Variants in CLDN14 observed in about 807,000 individuals in gnomAD.
CLDN14 encodes claudin-14.
A neutral mutation model predicts 2.1 loss-of-function variants in CLDN14; 2 were observed. The ratio of observed to expected loss-of-function variants is 0.96; its 90% CI spans 0.39 to 3.01. The LOEUF (loss-of-function observed/expected upper bound fraction) is 3.01, where lower values mean the gene tolerates loss of function less well. CLDN14 is among the 30% of genes most tolerant of loss of function. The pLI is 0.09. For synonymous variants in CLDN14, 136 were observed against 154.4 expected (o/e 0.88, Z 0.88); for missense variants, 298 against 328.0 (o/e 0.91, Z 0.71).
intron 1 of CLDN14, among the ~76,000 whole-genome samples, chr21:36,462,008 C>T (rs1315032042): frequency 2.0e-5 from 3 of 152,140 alleles, no homozygotes; most frequent in Non-Finnish European, 2.9e-5. Context: ...GGAAGGGTTC[C>T]AGCCACCTGC....
In CLDN14 at chr21:36,486,465, C is replaced by T. The variant is rs1395313793; in HGVS notation, c.-82+23898G>A. The T allele has an allele frequency of 5.2e-6, 8 of 1,539,162 alleles. No homozygotes were observed. The Middle Eastern group carries it at 5.1e-4, about 97-fold the overall frequency. On this transcript the variant is annotated intron_variant, in intron 2 of 2. Coordinates refer to the CLDN14 transcript ENST00000342108. ...CCGAGGGCCAAGGCCAGCTGAGGAT[C>T]AGCACTGGGATCTACTCCAAATTCA...
At chr21:36,571,864 G>A (rs2087712260) in intron 1 of CLDN14, among the ~76,000 whole-genome samples, 2 of 152,054 alleles carry the variant, frequency 1.3e-5, no homozygotes, top group South Asian at 4.2e-4. Context: ...ACGTTTCTAA[G>A]GTATGAAAGG....
chr21:36,571,172 A>T (rs548885142), intron 1 of CLDN14, among the ~76,000 whole-genome samples: 1 of 152,208 alleles, frequency 6.6e-6, no homozygotes. Context: ...TTCTAATGAC[A>T]CTGTGTAGAA....
intron 1 of CLDN14, among the ~76,000 whole-genome samples, chr21:36,570,369 GA>G (rs1473948795): frequency 2.0e-5 from 3 of 152,198 alleles, no homozygotes; most frequent in African/African-American, 7.2e-5. Flanking sequence ...CAAAAGGGAG[GA>G]GGGTATGATG....
At chr21:36,503,697 G>T (rs573055664) in intron 2 of CLDN14, among the ~76,000 whole-genome samples, 67 of 152,152 alleles carry the variant, frequency 4.4e-4, no homozygotes, top group South Asian at 1.9e-3. Flanking sequence ...TAATACACCA[G>T]CCAAGAATGG....
chr21:36,470,294 G>A (rs540617344), intron 1 of CLDN14, among the ~76,000 whole-genome samples: 11 of 152,292 alleles, frequency 7.2e-5, no homozygotes, highest in Non-Finnish European at 1.6e-4. Flanking sequence ...AAGGTCATAC[G>A]TAAAATAGAG....
intron 1 of CLDN14, among the ~76,000 whole-genome samples, chr21:36,528,089 G>C (rs893272799): frequency 2.0e-5 from 3 of 152,050 alleles, no homozygotes; most frequent in Non-Finnish European, 4.4e-5. Context: ...CAAAGCTGTC[G>C]GTTACTCTCA....
chr21:36,567,842 A>AT (rs140587632), intron 1 of CLDN14, among the ~76,000 whole-genome samples: 15,486 of 149,730 alleles, frequency 0.1, 1,029 homozygotes, highest in Non-Finnish European at 0.16. Context: ...AAAGTCATTC[A>AT]TTTTTTTTTT....
At chr21:36,480,371 A>C (rs533493029), upstream of CLDN14, 2 of 152,306 alleles carry the variant, frequency 1.3e-5, no homozygotes, top group East Asian at 1.9e-4. Flanking sequence ...TGCTGACGGA[A>C]GAAGGTGACT....
intron 1 of CLDN14, among the ~76,000 whole-genome samples, chr21:36,530,727 A>C (rs762995293): frequency 1.3e-5 from 2 of 152,126 alleles, no homozygotes; most frequent in Non-Finnish European, 2.9e-5. Flanking sequence ...AGCAAAAGGG[A>C]GATATTTCAA....
chr21:36,505,972 CAAA>C (rs1162737021), intron 2 of CLDN14, among the ~76,000 whole-genome samples: 7 of 152,134 alleles, frequency 4.6e-5, no homozygotes, highest in African/African-American at 1.7e-4. Flanking sequence ...TAATATCTAT[CAAA>C]ATGTAAACAG....
chr21:36,527,910 T>A (rs2087347056), intron 1 of CLDN14, among the ~76,000 whole-genome samples: 1 of 152,214 alleles, frequency 6.6e-6, no homozygotes, highest in Non-Finnish European at 1.5e-5. Context: ...GTCAAGTCCC[T>A]AGATGTCTCT....
chr21:36,490,105 T>C (rs2086945626), intron 2 of CLDN14, among the ~76,000 whole-genome samples: 1 of 152,222 alleles, frequency 6.6e-6, no homozygotes, highest in Non-Finnish European at 1.5e-5. Flanking sequence ...CCAGGCAGTC[T>C]AGAGATGAGG....
At chr21:36,555,084 G>A (rs73380045) in intron 1 of CLDN14, among the ~76,000 whole-genome samples, 2,054 of 152,344 alleles carry the variant, frequency 0.013, 50 homozygotes, top group African/African-American at 0.046. Flanking sequence ...CAAGCCATCC[G>A]CAGGGATTTG....
chr21:36,529,115 G>A (rs908116716), intron 1 of CLDN14, among the ~76,000 whole-genome samples: 2 of 152,206 alleles, frequency 1.3e-5, no homozygotes, highest in Non-Finnish European at 2.9e-5. Flanking sequence ...CTACAGGCAA[G>A]ACATGTTAAT....
chr21:36,461,191 T>C lies in CLDN14; in HGVS notation c.505A>G (p.Ile169Val), dbSNP rs1555841637. 4.3e-6 allele frequency: 7 copies of C among 1,613,914 alleles called. No individual in the cohort carries two copies. The highest frequency in any genetic ancestry group is 5.9e-6 in the Non-Finnish European group (7 of 1,179,818). The change falls in exon 2 of 2, where the codon ATC becomes GTC. Residue 169 changes from isoleucine to valine, a missense_variant. Physicochemically the swap from Ile to Val is conservative, Grantham distance 29. Coordinates refer to ENST00000399135, the MANE Select transcript of CLDN14 (RefSeq NM_001146079.2). ...EIGQALYLGF[I>V]SSSLSLIGGT... ...CCAATGAGCGAGAGGGACGAGGAGA[T>C]GAAGCCCAGGTACAGGGCCTGGCCA... is the stretch of plus-strand genomic sequence containing the variant.
chr21:36,488,350 C>T (rs1054862021), intron 2 of CLDN14, among the ~76,000 whole-genome samples: 17 of 151,768 alleles, frequency 1.1e-4, no homozygotes, highest in African/African-American at 3.6e-4. Flanking sequence ...CAGTTCACTG[C>T]AACCTCTGCC....
chr21:36,566,752 A>G (rs2087675729), intron 1 of CLDN14, among the ~76,000 whole-genome samples: 1 of 152,226 alleles, frequency 6.6e-6, no homozygotes, highest in South Asian at 2.1e-4. Flanking sequence ...TCCAAAACCT[A>G]AATGAGGTGG....
intron 2 of CLDN14, among the ~76,000 whole-genome samples, chr21:36,494,439 T>C (rs1601609640): frequency 6.6e-6 from 1 of 152,208 alleles, no homozygotes; most frequent in East Asian, 1.9e-4. Flanking sequence ...CACACTGGCA[T>C]GTTCGAGAGA....
Sources: allele counts gnomAD v4.1 joint callset (sites outside exome capture counted in the v4.1 genomes callset), GRCh38; gene constraint gnomAD v4.1.1; transcripts MANE v1.5; gene names NCBI Gene and HGNC (gene_info 2026-07-23, HGNC 2026-07-21).